The following FRY variants were observed in gnomAD, a reference collection of about 807,000 sequenced individuals.
The protein encoded by FRY is protein furry homolog.
A neutral mutation model predicts 348.4 loss-of-function variants in FRY; 128 were observed. The observed-to-expected ratio is 0.37, with a 90% CI of 0.32 to 0.43. The LOEUF is 0.43. Among genes scored for constraint, FRY ranks in the 20% least tolerant of loss-of-function variants. The pLI is 1.00. For synonymous variants in FRY, 1,370 were observed against 1,374.7 expected, an observed-to-expected ratio of 1.00 and a Z score of 0.08; for missense variants, 2,736 against 3,695.2, an observed-to-expected ratio of 0.74 and a Z score of 6.73.
chr13:32,051,701 A>G (rs1001793142), intron 1 of FRY, among the ~76,000 whole-genome samples: 1 of 152,250 alleles, frequency 6.6e-6, no homozygotes, highest in Non-Finnish European at 1.5e-5. Flanking sequence ...AAAGATTTCA[A>G]CAAATCAACC....
At chr13:32,263,490 G>A (rs1374581389) in intron 53 of FRY, among the ~76,000 whole-genome samples, 1 of 151,802 alleles carries the variant, frequency 6.6e-6, no homozygotes, top group Non-Finnish European at 1.5e-5. Context: ...ACTACAATCA[G>A]GATTCTTGGA....
chr13:32,124,247 C>T (rs936640442), intron 4 of FRY, 39 bp from the exon 5 acceptor site: 2 of 1,163,066 alleles, frequency 1.7e-6, no homozygotes, highest in Non-Finnish European at 2.6e-6. Flanking sequence ...CTGAGAATAC[C>T]TTCAGTGTGC....
At chr13:32,163,528 A>C (rs1881571644) in intron 17 of FRY, among the ~76,000 whole-genome samples, 1 of 152,172 alleles carries the variant, frequency 6.6e-6, no homozygotes, top group Non-Finnish European at 1.5e-5. Flanking sequence ...GCAGGGAAAA[A>C]GTTTTCAGTT....
chr13:32,255,133 G>A (rs1593807134), intron 51 of FRY, among the ~76,000 whole-genome samples: 1 of 152,268 alleles, frequency 6.6e-6, no homozygotes. Flanking sequence ...CTGAGAGGCC[G>A]TCTTTTGCCT....
intron 1 of FRY, among the ~76,000 whole-genome samples, chr13:32,042,808 T>C (rs1872813626): frequency 6.6e-6 from 1 of 152,208 alleles, no homozygotes; most frequent in African/African-American, 2.4e-5. Flanking sequence ...TTGAATGGAA[T>C]AGCCAAATTG....
chr13:32,043,581 T>C (rs770617234), intron 1 of FRY, among the ~76,000 whole-genome samples: 2 of 152,186 alleles, frequency 1.3e-5, no homozygotes, highest in Non-Finnish European at 2.9e-5. Context: ...TTATGTGGCC[T>C]CTCATCGTCA....
intron 18 of FRY, among the ~76,000 whole-genome samples, chr13:32,172,735 G>A (rs1033394771): frequency 2.6e-5 from 4 of 152,174 alleles, no homozygotes; most frequent in African/African-American, 7.2e-5. Context: ...ATGACATTCA[G>A]CTCCTTCTCC....
chr13:32,206,653 G>A (rs1884367443), intron 31 of FRY, among the ~76,000 whole-genome samples: 1 of 152,242 alleles, frequency 6.6e-6, no homozygotes, highest in East Asian at 1.9e-4. Flanking sequence ...AAACAGTCCA[G>A]CAAGTTTAAC....
At chr13:32,280,678 A>G (rs147087382) in intron 58 of FRY, among the ~76,000 whole-genome samples, 67 of 152,348 alleles carry the variant, frequency 4.4e-4, no homozygotes, top group Middle Eastern at 3.4e-3. Flanking sequence ...ACTTGTCCTC[A>G]ATCATCAAAT....
At chr13:32,202,740 A>G (rs9567421) in intron 31 of FRY, among the ~76,000 whole-genome samples, 26,959 of 152,090 alleles carry the variant, frequency 0.18, 2,927 homozygotes, top group East Asian at 0.47. Flanking sequence ...CACTTGAATC[A>G]GGAGTTTGAG....
chr13:32,182,564 G>A (rs1882777355), intron 23 of FRY, among the ~76,000 whole-genome samples: 1 of 152,122 alleles, frequency 6.6e-6, no homozygotes, highest in Non-Finnish European at 1.5e-5. Context: ...GTGTACAGGG[G>A]CTCAATTTTA....
Position 32,234,650 on chromosome 13 carries a change from T to C in FRY, c.5604T>C (p.Gly1868=). ...CAAGCTCTTCAAGGCACTATGCTGG[T>C]CGGTCCTTCCAGATATTCCGGGCCC... is the stretch of plus-strand genomic sequence containing the variant. ...ALASSSRHYA[G]RSFQIFRALK... Residue 1868 remains glycine, a synonymous_variant, in exon 42 of 61, where the codon GGT becomes GGC. Coordinates refer to ENST00000542859, the MANE Select transcript of FRY (RefSeq NM_023037.3). 6.2e-7 allele frequency: 1 copy of C among 1,614,114 alleles called. No homozygotes were observed. Among genetic ancestry groups the C allele is most frequent in the African/African-American group, 1.3e-5 (1 of 75,026 alleles).
rs1037761700 is a variant in FRY, at chr13:32,124,861, G to A, written c.702G>A (p.Val234=). The A allele has an allele frequency of 1.9e-6, 3 of 1,611,408 alleles. No individual in the cohort carries two copies. The highest frequency in any genetic ancestry group is 2.5e-6 in the Non-Finnish European group (3 of 1,177,464). The part of the protein sequence containing the change: ...VADLYAEVIG[V]LAQAKFPAVK... Reference sequence around the variant, plus strand: ...ACCTGTATGCAGAAGTCATTGGAGTGTTGGCACAAGCCAAGTAAGTGAATG... The same window carrying A: ...ACCTGTATGCAGAAGTCATTGGAGTATTGGCACAAGCCAAGTAAGTGAATG... Residue 234 remains valine (V), a synonymous_variant, in exon 7 of 61, where the codon GTG becomes GTA. Coordinates refer to ENST00000542859, the MANE Select transcript of FRY (RefSeq NM_023037.3).
At chr13:32,282,037 T>C (rs1046190350) in intron 58 of FRY, among the ~76,000 whole-genome samples, 1 of 152,198 alleles carries the variant, frequency 6.6e-6, no homozygotes, top group African/African-American at 2.4e-5. Flanking sequence ...GAGAGAAAAC[T>C]GAGTCCTTAC....
intron 57 of FRY, among the ~76,000 whole-genome samples, chr13:32,278,252 A>G (rs963188851): frequency 2.0e-5 from 3 of 152,222 alleles, no homozygotes; most frequent in African/African-American, 7.2e-5. Flanking sequence ...GTGTTTTTAG[A>G]TGACCATTAC....
In FRY at chr13:32,047,325, A is replaced by C. The variant is rs541609657; in HGVS notation, c.70+15460A>C. ...ATGACCAGGAACCAAAGAGTCTTGGAGCTTTTTTGTGACATCTTCTTGACT... is the reference window on the plus strand; with the variant it reads ...ATGACCAGGAACCAAAGAGTCTTGGCGCTTTTTTGTGACATCTTCTTGACT... On this transcript the variant is annotated intron_variant, in intron 1 of 60. Coordinates refer to ENST00000542859, the MANE Select transcript of FRY (RefSeq NM_023037.3). 2.4e-4 allele frequency among the ~76,000 whole-genome samples: 36 copies of C among 152,300 alleles called. 1 individual carries two copies. The South Asian group carries it at 6.8e-3, about 29-fold the overall frequency.
chr13:32,058,572 T>A (rs1873765396), intron 1 of FRY, among the ~76,000 whole-genome samples: 1 of 152,224 alleles, frequency 6.6e-6, no homozygotes, highest in Non-Finnish European at 1.5e-5. Flanking sequence ...AGCTGTCACT[T>A]ACACTGTCAG....
chr13:32,075,929 G>A (rs1258933299), intron 1 of FRY, among the ~76,000 whole-genome samples: 1 of 152,326 alleles, frequency 6.6e-6, no homozygotes, highest in Non-Finnish European at 1.5e-5. Context: ...GATAGTTCCA[G>A]CTCAGTAAGG....
chr13:32,281,478 T>C (rs1176410418), intron 58 of FRY, among the ~76,000 whole-genome samples: 1 of 152,160 alleles, frequency 6.6e-6, no homozygotes, highest in Non-Finnish European at 1.5e-5. Context: ...GGAAGATGCA[T>C]AAAACACCCA....
Sources: gnomAD v4.1 joint callset for allele counts (sites outside exome capture counted in the v4.1 genomes callset) on GRCh38, gnomAD v4.1.1 for gene constraint, MANE v1.5 for transcripts, NCBI Gene and HGNC (gene_info 2026-07-23, HGNC 2026-07-21) for gene names.